The following TLR7 variants were observed in gnomAD, a reference collection of about 807,000 sequenced individuals.
TLR7 encodes the protein toll-like receptor 7.
A neutral mutation model predicts 38.3 loss-of-function variants in TLR7; 12 were observed. That is an observed-to-expected ratio of 0.31 (90% CI 0.20 to 0.51). The LOEUF is 0.51. Among genes scored for constraint, TLR7 ranks in the 20% least tolerant of loss-of-function variants. TLR7 has a pLI of 0.98. For synonymous variants in TLR7, 285 were observed against 293.8 expected, an observed-to-expected ratio of 0.97 and a Z score of 0.31; for missense variants, 504 against 743.4, an observed-to-expected ratio of 0.68 and a Z score of 3.74.
chrX:12,886,303 T>C lies in TLR7; in HGVS notation c.795T>C (p.Asn265=). ...GTGGAAATTGCCCTCGTTGTTATAATGCCCCATTTCCTTGTGCGCCGTGTA... is the reference window on the plus strand; with the variant it reads ...GTGGAAATTGCCCTCGTTGTTATAACGCCCCATTTCCTTGTGCGCCGTGTA... ...DLSGNCPRCY[N]APFPCAPCKN... Residue 265 remains asparagine (N), a synonymous_variant, in exon 3 of 3, where the codon AAT becomes AAC. Transcript: ENST00000380659. 8.3e-7 allele frequency: 1 copy of C among 1,211,724 alleles called. No individual in the cohort carries two copies. The highest frequency in any genetic ancestry group is 2.2e-5 in the Admixed American group (1 of 46,092).
rs187685386 is a variant in TLR7, at chrX:12,887,428, C to A, written c.1920C>A (p.Asn640Lys). The change falls in exon 3 of 3, where the codon AAC (asparagine) becomes AAA (lysine). Residue 640 changes from asparagine to lysine, a missense_variant. Asn to Lys is a moderately conservative substitution (Grantham distance 94). Coordinates refer to ENST00000380659, the MANE Select transcript of TLR7 (RefSeq NM_016562.4). ...HLDVLWREGD[N>K]RYLQLFKNLL... The stretch of plus-strand genomic sequence containing the variant: ...ATGTTTTATGGAGAGAAGGTGATAA[C>A]AGATACTTACAATTATTCAAGAATC... 3 of 1,208,108 alleles carry A rather than the reference C, an allele frequency of 2.5e-6. No individual in the cohort carries two copies. Among genetic ancestry groups the A allele is most frequent in the African/African-American group, 3.5e-5 (2 of 57,281 alleles).
Position 12,867,496 on chromosome X carries a change from C to T in TLR7, c.-83C>T. 1.1e-6 allele frequency: 1 copy of T among 894,901 alleles called. No homozygotes were observed. Among genetic ancestry groups the T allele is most frequent in the Non-Finnish European group, 1.6e-6 (1 of 617,081 alleles). 73.7% of individuals were successfully genotyped at this position (894,901 alleles called of 1,213,427 possible). ...TTTCTCTTAGTTGATGCTATTGGGCCCATCTCAAGCTGATCTTGGCACCTC... is the reference window on the plus strand; with the variant it reads ...TTTCTCTTAGTTGATGCTATTGGGCTCATCTCAAGCTGATCTTGGCACCTC... On this transcript the variant is annotated 5_prime_UTR_variant, in exon 2 of 3. Coordinates refer to ENST00000380659, the MANE Select transcript of TLR7 (RefSeq NM_016562.4).
rs1191084528 is a variant in TLR7, at chrX:12,867,125, T to A, written c.-99+2T>A. 2 of 113,002 alleles carry A rather than the reference T, an allele frequency of 1.8e-5. No homozygotes were observed. Among genetic ancestry groups the A allele is most frequent in the Non-Finnish European group, 3.7e-5 (2 of 53,995 alleles). The allele number at this position is 113,002 out of a possible 1,213,427, so 9.3% of individuals were successfully genotyped here. On this transcript the variant is annotated splice_donor_variant, in intron 1 of 2. Coordinates refer to ENST00000380659, the MANE Select transcript of TLR7 (RefSeq NM_016562.4). LOFTEE classifies it low-confidence loss of function (5UTR_SPLICE). ...GATCACTCCATGCCATCAAGAAAGG[T>A]ATTTTAAACATTGGAACACATATAG...
At position 12,888,021 on chromosome X, in the gene TLR7, C is replaced by T; in HGVS notation, c.2513C>T (p.Thr838Ile). ...LDLYTCELDL[T>I]NLILFSLSIS... is the part of the protein sequence containing the mutation. Reference sequence around the variant, plus strand: ...CTGTACACCTGTGAGTTAGATCTGACTAACCTGATTCTGTTCTCACTTTCC... The same window carrying T: ...CTGTACACCTGTGAGTTAGATCTGATTAACCTGATTCTGTTCTCACTTTCC... Residue 838 changes from threonine to isoleucine, a missense_variant, in exon 3 of 3, where the codon ACT becomes ATT. Physicochemically the swap from Thr to Ile is moderately conservative, Grantham distance 89 (BLOSUM62 -1). Transcript: ENST00000380659. 1 of 1,211,472 alleles carries T rather than the reference C, an allele frequency of 8.3e-7. No individual in the cohort carries two copies. Among genetic ancestry groups the T allele is most frequent in the African/African-American group, 1.7e-5 (1 of 57,764 alleles).
At position 12,889,534 on chromosome X, in the gene TLR7, T is replaced by A. The variant is rs2042923789; in HGVS notation, c.*876T>A. ...GTTGCTGCTTCAGTGCTTCCTGCTC[T>A]TTTTCCTTGGGCCTGCTTCTGGGTT... On this transcript the variant is annotated 3_prime_UTR_variant, in exon 3 of 3. Coordinates refer to ENST00000380659, the MANE Select transcript of TLR7 (RefSeq NM_016562.4). 1 of 113,621 alleles carries A rather than the reference T, an allele frequency of 8.8e-6. No individual in the cohort carries two copies. The highest frequency in any genetic ancestry group is 1.9e-5 in the Non-Finnish European group (1 of 53,871). 9.4% of individuals were successfully genotyped at this position (113,621 alleles called of 1,213,427 possible).
Position 12,887,757 on chromosome X carries a change from G to A in TLR7, c.2249G>A (p.Arg750Gln), listed in dbSNP as rs765513485. ...KYFLQDAFQL[R>Q]YLDLSSNKIQ... The stretch of plus-strand genomic sequence containing the variant: ...TTTCTACAAGATGCCTTCCAGTTGC[G>A]ATATCTGGATCTCAGCTCAAATAAA... Residue 750 changes from arginine to glutamine, a missense_variant, in exon 3 of 3, where the codon CGA becomes CAA. Physicochemically the swap from Arg to Gln is conservative, Grantham distance 43. Transcript: ENST00000380659. 2.2e-5 allele frequency: 27 copies of A among 1,209,097 alleles called. No homozygotes were observed. The highest frequency in any genetic ancestry group is 5.9e-5 in the East Asian group (2 of 33,804).
intron 2 of TLR7, among the ~76,000 whole-genome samples, chrX:12,881,500 AAAT>A (rs2042891653): frequency 9.9e-6 from 1 of 100,725 alleles, no homozygotes; most frequent in African/African-American, 3.9e-5. Context: ...TCTTTTTAAT[AAAT>A]AATAAATAAC....
In TLR7 at chrX:12,887,382, A is replaced by T; in HGVS notation, c.1874A>T (p.Glu625Val). 8.3e-7 allele frequency: 1 copy of T among 1,210,032 alleles called. No individual in the cohort carries two copies. Among genetic ancestry groups the T allele is most frequent in the African/African-American group, 1.7e-5 (1 of 57,793 alleles). ...GAGAGTGAGTCTCTTAGAACTCTGG[A>T]ATTCAGAGGAAATCACTTAGATGTT... The part of the protein sequence containing the change: ...TMESESLRTL[E>V]FRGNHLDVLW... Residue 625 changes from glutamate (E) to valine (V), a missense_variant, in exon 3 of 3, where the codon GAA becomes GTA. Coordinates refer to ENST00000380659, the MANE Select transcript of TLR7 (RefSeq NM_016562.4).
rs1164776138 is a variant in TLR7 at position 12,867,663 on chromosome X, T to C, written c.3+82T>C. 6.1e-6 allele frequency: 6 copies of C among 978,441 alleles called. No individual in the cohort carries two copies. The East Asian group carries it at 1.5e-4, about 25-fold the overall frequency. The allele number at this position is 978,441 out of a possible 1,213,427, so 80.6% of individuals were successfully genotyped here. A position where few individuals can be genotyped will look rare whatever the true frequency, so the allele number is the denominator to read the frequency against. ...CTGAAACCAGCTGGCAAGAGCAATA[T>C]TGAAGAATCTGTACTTAGGTTATTT... On this transcript the variant is annotated intron_variant, in intron 2 of 2. Transcript: ENST00000380659.
At chrX:12,869,754 A>G (rs1348980713) in intron 2 of TLR7, among the ~76,000 whole-genome samples, 1 of 109,024 alleles carries the variant, frequency 9.2e-6, no homozygotes, top group African/African-American at 3.3e-5. Context: ...AACAAGCAAT[A>G]AAATAATTTT....
At chrX:12,869,503 C>T (rs72552351) in intron 2 of TLR7, among the ~76,000 whole-genome samples, 1,352 of 110,956 alleles carry the variant, frequency 0.012, 28 homozygotes, top group African/African-American at 0.042. Flanking sequence ...AACCAAACAC[C>T]GCATGTTCTC....
intron 2 of TLR7, among the ~76,000 whole-genome samples, chrX:12,874,386 A>T (rs927431181): frequency 2.7e-5 from 3 of 111,499 alleles, no homozygotes; most frequent in Middle Eastern, 4.6e-3. Flanking sequence ...AAAACAAAAC[A>T]TGTACTAGTT....
rs753124291 is a variant in TLR7, at chrX:12,887,836, G to C, written c.2328G>C (p.Lys776Asn). 22 of 1,211,796 alleles carry C rather than the reference G, an allele frequency of 1.8e-5. No homozygotes were observed. Among genetic ancestry groups the C allele is most frequent in the Non-Finnish European group, 2.5e-5 (22 of 895,348 alleles). The change falls in exon 3 of 3, where the codon AAG (lysine) becomes AAC (asparagine). Residue 776 changes from lysine to asparagine, a missense_variant. Physicochemically the swap from Lys to Asn is moderately conservative, Grantham distance 94. Coordinates refer to ENST00000380659, the MANE Select transcript of TLR7 (RefSeq NM_016562.4). ...SFPENVLNNL[K>N]MLLLHHNRFL... The stretch of plus-strand genomic sequence containing the variant: ...CAGAAAATGTCCTCAACAATCTGAA[G>C]ATGTTGCTTTTGCATCATAATCGGT...
chrX:12,880,079 AT>A (rs1306320541), intron 2 of TLR7, among the ~76,000 whole-genome samples: 5 of 110,762 alleles, frequency 4.5e-5, no homozygotes, highest in Admixed American at 9.6e-5. Context: ...TTAGATATGT[AT>A]TTTTTTTTCT....
chrX:12,885,946 C>T lies in TLR7; in HGVS notation c.438C>T (p.Leu146=). 1 of 1,212,063 alleles carries T rather than the reference C, an allele frequency of 8.3e-7. No individual in the cohort carries two copies. The highest frequency in any genetic ancestry group is 1.7e-5 in the African/African-American group (1 of 57,882). ...GNQLLEIPQG[L]PPSLQLLSLE... ...AGCTACTAGAGATACCGCAGGGCCT[C>T]CCGCCTAGCTTACAGCTTCTCAGCC... Residue 146 remains leucine, a synonymous_variant, in exon 3 of 3, where the codon CTC becomes CTT. Transcript: ENST00000380659.
intron 2 of TLR7, among the ~76,000 whole-genome samples, chrX:12,871,925 C>A (rs911337015): frequency 2.7e-5 from 3 of 112,136 alleles, no homozygotes; most frequent in African/African-American, 9.7e-5. Flanking sequence ...TGAAAATAAT[C>A]CATTGTAGCC....
chrX:12,880,553 TAGAAG>T (rs1284683850), intron 2 of TLR7, among the ~76,000 whole-genome samples: 19 of 112,175 alleles, frequency 1.7e-4, no homozygotes, highest in Non-Finnish European at 2.3e-4. Flanking sequence ...CCTGGGCAGA[TAGAAG>T]AGACAGAAAT....
rs201833417 is a variant in TLR7, at chrX:12,887,275, A to C, written c.1767A>C (p.Leu589=). The C allele has an allele frequency of 7.1e-5, 86 of 1,209,541 alleles. No individual in the cohort carries two copies. Among genetic ancestry groups the C allele is most frequent in the Non-Finnish European group, 8.9e-5 (80 of 894,954 alleles). Residue 589 remains leucine, a synonymous_variant, in exon 3 of 3, where the codon CTA becomes CTC. Coordinates refer to ENST00000380659, the MANE Select transcript of TLR7 (RefSeq NM_016562.4). Reference sequence around the variant, plus strand: ...AATCAGAAGGAATTACTCATATGCTAAACTTTACCAAGAACCTAAAGGTTC... The same window carrying C: ...AATCAGAAGGAATTACTCATATGCTCAACTTTACCAAGAACCTAAAGGTTC... ...YFQSEGITHM[L]NFTKNLKVLQ... is the part of the protein sequence containing the mutation.
chrX:12,885,837 A>G lies in TLR7; in HGVS notation c.329A>G (p.Asn110Ser). The G allele has an allele frequency of 8.3e-7, 1 of 1,211,982 alleles. No homozygotes were observed. Among genetic ancestry groups the G allele is most frequent in the South Asian group, 1.8e-5 (1 of 57,005 alleles). The change falls in exon 3 of 3, where the codon AAC becomes AGC. Residue 110 changes from asparagine to serine, a missense_variant. By Grantham distance (46) the Asn-to-Ser change is conservative. Coordinates refer to ENST00000380659, the MANE Select transcript of TLR7 (RefSeq NM_016562.4). ...CVPIPLGSKNNMCIKRLQIKP... is the reference protein window; with the variant it reads ...CVPIPLGSKNSMCIKRLQIKP... ...CCTATTCCACTGGGGTCAAAAAACAACATGTGCATCAAGAGGCTGCAGATT... is the reference window on the plus strand; with the variant it reads ...CCTATTCCACTGGGGTCAAAAAACAGCATGTGCATCAAGAGGCTGCAGATT...
Sources: allele counts gnomAD v4.1 joint callset (sites outside exome capture counted in the v4.1 genomes callset), GRCh38; gene constraint gnomAD v4.1.1; transcripts MANE v1.5; gene names NCBI Gene and HGNC (gene_info 2026-07-23, HGNC 2026-07-21).